The following MYL9 variants were observed in gnomAD, a reference collection of about 807,000 sequenced individuals.
The protein encoded by MYL9 is myosin light chain 9.
A neutral mutation model predicts 12.8 loss-of-function variants in MYL9; 7 were observed. The ratio of observed to expected loss-of-function variants is 0.55; its 90% CI spans 0.31 to 1.03. MYL9 has a LOEUF of 1.03. Among genes scored for constraint, MYL9 ranks in the 50% least tolerant of loss-of-function variants. The pLI, the probability that MYL9 is intolerant of heterozygous loss-of-function variation, is 0.05. For missense variants in MYL9, 190 were observed against 242.7 expected, an observed-to-expected ratio of 0.78 and a Z score of 1.44; for synonymous variants, 81 against 87.8, an observed-to-expected ratio of 0.92 and a Z score of 0.43.
At chr20:36,545,721 A>G (rs553440498) in intron 2 of MYL9, among the ~76,000 whole-genome samples, 35 of 151,462 alleles carry the variant, frequency 2.3e-4, no homozygotes, top group East Asian at 2.0e-3. Flanking sequence ...ACGAGGTCAG[A>G]AGATCGAGAT....
chr20:36,548,957 A>C, intron 3 of MYL9, 120 bp from the exon 4 acceptor site: 1 of 1,042,626 alleles, frequency 9.6e-7, no homozygotes, highest in Non-Finnish European at 1.4e-6. Flanking sequence ...ACCAGAGACT[A>C]AGATTGTATC....
rs1285374954 is a variant in MYL9, at chr20:36,545,062, T to C, written c.178T>C (p.Ser60Pro). 2.5e-6 allele frequency: 4 copies of C among 1,613,796 alleles called. No homozygotes were observed. In the African/African-American group the frequency reaches 5.3e-5, roughly 22 times the overall value. The change falls in exon 2 of 4, where the codon TCG (serine) becomes CCG (proline). Residue 60 changes from serine (S) to proline (P), a missense_variant. Coordinates refer to ENST00000279022, the MANE Select transcript of MYL9 (RefSeq NM_006097.5). The stretch of plus-strand genomic sequence containing the variant: ...GGAGGACCTGCACGACATGCTGGCC[T>C]CGCTGGGTGAGCTGGGACAGGGACA... ...DKEDLHDMLA[S>P]LGKNPTDEYL... is the part of the protein sequence containing the mutation.
intron 2 of MYL9, among the ~76,000 whole-genome samples, chr20:36,545,469 C>A (rs2038086095): frequency 6.7e-6 from 1 of 149,776 alleles, no homozygotes; most frequent in Admixed American, 6.6e-5. Context: ...TGCACTCCAG[C>A]CTGGGCAACA....
At chr20:36,545,491 C>T (rs896128751) in intron 2 of MYL9, among the ~76,000 whole-genome samples, 5 of 134,684 alleles carry the variant, frequency 3.7e-5, no homozygotes, top group Non-Finnish European at 6.2e-5. Context: ...AGCGAGACTC[C>T]ATCTCAAAAA....
intron 1 of MYL9, among the ~76,000 whole-genome samples, chr20:36,542,723 T>C (rs11906721): frequency 0.039 from 5,918 of 152,228 alleles, 397 homozygotes; most frequent in African/African-American, 0.14. Flanking sequence ...TCATGGGCAC[T>C]CCACTCCCCT....
intron 2 of MYL9, among the ~76,000 whole-genome samples, chr20:36,546,866 G>A (rs2038107027): frequency 6.6e-6 from 1 of 152,128 alleles, no homozygotes; most frequent in African/African-American, 2.4e-5. Context: ...CAAAGTACTG[G>A]GATTACAGGT....
intron 1 of MYL9, among the ~76,000 whole-genome samples, chr20:36,543,417 C>T (rs1047009761): frequency 1.3e-5 from 2 of 152,166 alleles, no homozygotes; most frequent in Non-Finnish European, 2.9e-5. Flanking sequence ...GGGTGAACAA[C>T]AGGCAGAGGA....
chr20:36,548,145 G>GAGGATGTGATTC lies in MYL9; in HGVS notation c.299_310dup (p.Ile103_Arg104insGlnAspValIle). 1 of 1,613,932 alleles carries GAGGATGTGATTC rather than the reference G, an allele frequency of 6.2e-7. No individual in the cohort carries two copies. The highest frequency in any genetic ancestry group is 8.5e-7 in the Non-Finnish European group (1 of 1,179,860). On this transcript the variant is annotated inframe_insertion, in exon 3 of 4. Coordinates refer to ENST00000279022, the MANE Select transcript of MYL9 (RefSeq NM_006097.5). ...GGAGAAGCTGAACGGCACGGACCCC[G>GAGGATGTGATTC]AGGATGTGATTCGCAACGCCTTTGC...
In MYL9 at chr20:36,550,767, GTATCAA is replaced by G. The variant is rs1297881484; in HGVS notation, c.*1519_*1524del. On this transcript the variant is annotated 3_prime_UTR_variant, in exon 4 of 4. Transcript: ENST00000279022. Reference sequence around the variant, plus strand: ...CCAAACAGAGGCCCAAAAGTCCCTGGTATCAACTCCAGAAGGGGCGAGACCCGAACA... The same window carrying G: ...CCAAACAGAGGCCCAAAAGTCCCTGGCTCCAGAAGGGGCGAGACCCGAACA... 1 of 152,304 alleles carries G rather than the reference GTATCAA, an allele frequency of 6.6e-6. No individual in the cohort carries two copies. The highest frequency in any genetic ancestry group is 1.5e-5 in the Non-Finnish European group (1 of 68,144). 9.4% of individuals were successfully genotyped at this position (152,304 alleles called of 1,614,324 possible). A position where few individuals can be genotyped will look rare whatever the true frequency, so the allele number is the denominator to read the frequency against.
In MYL9 at chr20:36,551,339, G is replaced by C. The variant is rs185943045; in HGVS notation, c.*2090G>C. 97 of 152,358 alleles carry C rather than the reference G, an allele frequency of 6.4e-4. No homozygotes were observed. The highest frequency in any genetic ancestry group is 2.3e-3 in the African/African-American group (94 of 41,578). The allele number at this position is 152,358 out of a possible 1,614,324, so 9.4% of individuals were successfully genotyped here. A position where few individuals can be genotyped will look rare whatever the true frequency, so the allele number is the denominator to read the frequency against. On this transcript the variant is annotated 3_prime_UTR_variant, in exon 4 of 4. Transcript: ENST00000279022. ...TCCAAGTCTAGCACAAAACCCAGAA[G>C]CCACAAAGGAAAATACTGGCAGATT...
intron 2 of MYL9, among the ~76,000 whole-genome samples, chr20:36,545,712 C>G (rs936169071): frequency 1.3e-5 from 2 of 151,020 alleles, no homozygotes; most frequent in African/African-American, 2.4e-5. Flanking sequence ...GGGCGGATCA[C>G]GAGGTCAGAA....
rs7273824 is a variant in MYL9 at position 36,548,162 on chromosome 20, C to G, written c.315C>G (p.Asn105Lys). Residue 105 changes from asparagine (N) to lysine (K), a missense_variant, in exon 3 of 4, where the codon AAC becomes AAG. Coordinates refer to ENST00000279022, the MANE Select transcript of MYL9 (RefSeq NM_006097.5). Reference sequence around the variant, plus strand: ...CGGACCCCGAGGATGTGATTCGCAACGCCTTTGCCTGCTTCGACGAGGAAG... The same window carrying G: ...CGGACCCCGAGGATGTGATTCGCAAGGCCTTTGCCTGCTTCGACGAGGAAG... The part of the protein sequence containing the change: ...NGTDPEDVIR[N>K]AFACFDEEAS... The G allele has an allele frequency of 2.5e-6, 4 of 1,613,288 alleles. No individual in the cohort carries two copies. In the Admixed American group the frequency reaches 6.7e-5, roughly 27 times the overall value.
chr20:36,545,053 A>C lies in MYL9; in HGVS notation c.169A>C (p.Met57Leu), dbSNP rs779992061. 6.2e-7 allele frequency: 1 copy of C among 1,614,158 alleles called. No homozygotes were observed. Among genetic ancestry groups the C allele is most frequent in the South Asian group, 1.1e-5 (1 of 91,078 alleles). ...GFIDKEDLHD[M>L]LASLGKNPTD... is the part of the protein sequence containing the mutation. ...CATTGACAAGGAGGACCTGCACGAC[A>C]TGCTGGCCTCGCTGGGTGAGCTGGG... Residue 57 changes from methionine to leucine, a missense_variant, in exon 2 of 4, where the codon ATG becomes CTG. Met to Leu is a conservative substitution (Grantham distance 15). Coordinates refer to ENST00000279022, the MANE Select transcript of MYL9 (RefSeq NM_006097.5).
Position 36,549,067 on chromosome 20 carries a change from C to T in MYL9, c.347-10C>T. ...GTTCCTGCTCTCACCCACCCTGCCC[C>T]TGCCCGCAGGTTTCATCCATGAGGA... On this transcript the variant is annotated splice_polypyrimidine_tract_variant and intron_variant, in intron 3 of 3. Coordinates refer to ENST00000279022, the MANE Select transcript of MYL9 (RefSeq NM_006097.5). 6.2e-7 allele frequency: 1 copy of T among 1,611,094 alleles called. No individual in the cohort carries two copies. Among genetic ancestry groups the T allele is most frequent in the Non-Finnish European group, 8.5e-7 (1 of 1,179,014 alleles).
At position 36,545,080 on chromosome 20, in the gene MYL9, C is replaced by T. The variant is rs2038078999; in HGVS notation, c.184+12C>T. 2 of 1,612,686 alleles carry T rather than the reference C, an allele frequency of 1.2e-6. No homozygotes were observed. Among genetic ancestry groups the T allele is most frequent in the Admixed American group, 3.3e-5 (2 of 59,956 alleles). On this transcript the variant is annotated intron_variant, in intron 2 of 3. Coordinates refer to ENST00000279022, the MANE Select transcript of MYL9 (RefSeq NM_006097.5). ...GCTGGCCTCGCTGGGTGAGCTGGGA[C>T]AGGGACAGGGGTGAGATGGATGAGG...
chr20:36,541,951 G>A (rs1023021044), intron 1 of MYL9, among the ~76,000 whole-genome samples: 3 of 152,032 alleles, frequency 2.0e-5, no homozygotes, highest in Admixed American at 2.0e-4. Context: ...GTTCCCCCTG[G>A]CCCAGTAAAG....
chr20:36,543,936 G>C (rs980223392), intron 1 of MYL9, among the ~76,000 whole-genome samples: 9 of 152,152 alleles, frequency 5.9e-5, no homozygotes, highest in Non-Finnish European at 1.2e-4. Context: ...GACACCACGA[G>C]GGCTGTCAGA....
rs776698703 is a variant in MYL9 at position 36,549,257 on chromosome 20, C to T, written c.*8C>T. The T allele has an allele frequency of 6.3e-6, 10 of 1,592,486 alleles. No homozygotes were observed. The highest frequency in any genetic ancestry group is 5.4e-5 in the African/African-American group (4 of 74,398). ...AAGGATAAAGACGACTAGGCCACCC[C>T]AGCCCCCTGACACCCCAGCCCCCGC... On this transcript the variant is annotated 3_prime_UTR_variant, in exon 4 of 4. Transcript: ENST00000279022.
rs141852083 is a variant in MYL9 at position 36,544,396 on chromosome 20, G to A, written c.-26-463G>A. ...CCAGGGAGCCTGGATGGCAGCCCAGGAGAGCCCTCACTGACTCCCACGAGT... is the reference window on the plus strand; with the variant it reads ...CCAGGGAGCCTGGATGGCAGCCCAGAAGAGCCCTCACTGACTCCCACGAGT... On this transcript the variant is annotated intron_variant, in intron 1 of 3. Coordinates refer to ENST00000279022, the MANE Select transcript of MYL9 (RefSeq NM_006097.5). Among the ~76,000 whole-genome samples, 62 of 152,240 alleles carry A rather than the reference G, an allele frequency of 4.1e-4. No homozygotes were observed. In the East Asian group the frequency reaches 8.1e-3, roughly 20 times the overall value.
Sources: allele counts gnomAD v4.1 joint callset (sites outside exome capture counted in the v4.1 genomes callset), GRCh38; gene constraint gnomAD v4.1.1; transcripts MANE v1.5; gene names NCBI Gene and HGNC (gene_info 2026-07-23, HGNC 2026-07-21).